Variants in NGF observed in about 807,000 individuals in gnomAD.
NGF encodes beta-nerve growth factor.
NGF carries 4 observed loss-of-function variants against 12.8 expected under a neutral mutation model. The observed-to-expected ratio is 0.31, with a 90% CI of 0.15 to 0.72. The LOEUF is 0.72. Ranked by LOEUF, NGF falls within the 30% of genes least tolerant of loss-of-function variation. The pLI is 0.69. For missense variants in NGF, 283 were observed against 330.8 expected, an observed-to-expected ratio of 0.86 and a Z score of 1.12; for synonymous variants, 140 against 130.0, an observed-to-expected ratio of 1.08 and a Z score of -0.52.
intron 1 of NGF, among the ~76,000 whole-genome samples, chr1:115,308,693 TAAAA>T (rs1654264941): frequency 7.5e-6 from 1 of 134,138 alleles, no homozygotes. Context: ...CAGAAAAAAA[TAAAA>T]AGAGAGAAAA....
chr1:115,322,593 T>A (rs1232162706), intron 1 of NGF, among the ~76,000 whole-genome samples: 5 of 152,160 alleles, frequency 3.3e-5, no homozygotes, highest in Non-Finnish European at 2.9e-5. Flanking sequence ...TTGACCAGCG[T>A]AAAGAGATGA....
intron 1 of NGF, among the ~76,000 whole-genome samples, chr1:115,332,604 G>GC (rs994115994): frequency 1.3e-5 from 2 of 152,096 alleles, no homozygotes; most frequent in African/African-American, 4.8e-5. Flanking sequence ...GTTCGTTGGT[G>GC]CCCCCCTCAT....
intron 1 of NGF, among the ~76,000 whole-genome samples, chr1:115,304,789 T>A (rs368186136): frequency 6.6e-6 from 1 of 152,182 alleles, no homozygotes; most frequent in Non-Finnish European, 1.5e-5. Context: ...TGAGCATAGC[T>A]GTCTCCTGGC....
chr1:115,320,384 T>C (rs1654586642), intron 1 of NGF, among the ~76,000 whole-genome samples: 2 of 152,206 alleles, frequency 1.3e-5, no homozygotes, highest in African/African-American at 4.8e-5. Flanking sequence ...CCAGCATCCC[T>C]ACTCTTGTGC....
intron 1 of NGF, among the ~76,000 whole-genome samples, chr1:115,306,501 C>G (rs888828044): frequency 1.3e-5 from 2 of 152,280 alleles, no homozygotes; most frequent in South Asian, 4.1e-4. Context: ...TCATTTTTAG[C>G]AGGTGAAATG....
Position 115,286,433 on chromosome 1 carries a change from C to T in NGF, c.363G>A (p.Arg121=), listed in dbSNP as rs759547617. 1.2e-6 allele frequency: 2 copies of T among 1,613,778 alleles called. No individual in the cohort carries two copies. Among genetic ancestry groups the T allele is most frequent in the South Asian group, 2.2e-5 (2 of 91,040 alleles). Residue 121 remains arginine (R), a synonymous_variant, in exon 3 of 3, where the codon CGG becomes CGA. Transcript: ENST00000369512. The part of the protein sequence containing the change: ...APFNRTHRSK[R]SSSHPIFHRG... ...TGTGGAAGATGGGATGGGATGATGA[C>T]CGCTTGCTCCTGTGAGTCCTGTTGA...
rs564486080 is a variant in NGF at position 115,294,806 on chromosome 1, C to T, written c.-136-1056G>A. 7.6e-4 allele frequency among the ~76,000 whole-genome samples: 116 copies of T among 152,198 alleles called. 1 individual carries two copies. The highest frequency in any genetic ancestry group is 2.6e-3 in the African/African-American group (108 of 41,520). ...GACAAAGGTTCTGAGCATGAAGTAA[C>T]GAGACCTAGAAAATGAGCTGGAGAG... is the stretch of plus-strand genomic sequence containing the variant. On this transcript the variant is annotated intron_variant, in intron 1 of 2. Coordinates refer to ENST00000369512, the MANE Select transcript of NGF (RefSeq NM_002506.3).
At chr1:115,293,042 G>C (rs997406057) in intron 2 of NGF, among the ~76,000 whole-genome samples, 1 of 152,046 alleles carries the variant, frequency 6.6e-6, no homozygotes, top group African/African-American at 2.4e-5. Context: ...TGAGATAATA[G>C]TAATTATTAT....
At chr1:115,311,510 TA>T (rs2101040861) in intron 1 of NGF, among the ~76,000 whole-genome samples, 1 of 151,774 alleles carries the variant, frequency 6.6e-6, no homozygotes, top group East Asian at 1.9e-4. Context: ...GGTAAGGGGG[TA>T]GGAGGGGTGC....
chr1:115,294,917 C>T (rs1339019190), intron 1 of NGF, among the ~76,000 whole-genome samples: 1 of 152,156 alleles, frequency 6.6e-6, no homozygotes, highest in Non-Finnish European at 1.5e-5. Flanking sequence ...GGGCTTTGAA[C>T]AAGAGGGTGA....
intron 1 of NGF, among the ~76,000 whole-genome samples, chr1:115,320,812 T>C (rs1469135651): frequency 6.6e-6 from 1 of 151,952 alleles, no homozygotes; most frequent in African/African-American, 2.4e-5. Context: ...CAGAAGGAGG[T>C]GGAAGCCCTA....
intron 1 of NGF, among the ~76,000 whole-genome samples, chr1:115,294,220 G>T (rs1030204157): frequency 6.6e-6 from 1 of 152,214 alleles, no homozygotes; most frequent in African/African-American, 2.4e-5. Flanking sequence ...GATGAGTAAT[G>T]GTGACAAATA....
chr1:115,290,271 C>T (rs1653645895), intron 2 of NGF, among the ~76,000 whole-genome samples: 1 of 152,032 alleles, frequency 6.6e-6, no homozygotes, highest in African/African-American at 2.4e-5. Context: ...CCTCTCAGGG[C>T]CTTTTCTGCT....
rs972078275 is a variant in NGF at position 115,290,427 on chromosome 1, G to A, written c.-13+3200C>T. Among the ~76,000 whole-genome samples, 8 of 113,520 alleles carry A rather than the reference G, an allele frequency of 7.0e-5. No homozygotes were observed. The East Asian group carries it at 8.4e-4, about 12-fold the overall frequency. 74.5% of individuals were successfully genotyped at this position (113,520 alleles called of 152,430 possible). On this transcript the variant is annotated intron_variant, in intron 2 of 2. Coordinates refer to ENST00000369512, the MANE Select transcript of NGF (RefSeq NM_002506.3). ...TTTTTTTTTTTTGAGATGGAGTCTC[G>A]CTCTGTCACCCAGGCTGAAGTGCAG...
chr1:115,327,548 G>C (rs1157054455), intron 1 of NGF, among the ~76,000 whole-genome samples: 3 of 152,208 alleles, frequency 2.0e-5, no homozygotes, highest in Admixed American at 6.5e-5. Context: ...TTGAACACAG[G>C]TGAAAGGAAA....
intron 2 of NGF, among the ~76,000 whole-genome samples, chr1:115,290,636 G>A (rs1011789014): frequency 3.3e-5 from 5 of 151,944 alleles, no homozygotes; most frequent in South Asian, 2.1e-4. Flanking sequence ...CTCGTGATCC[G>A]CCCCCTCGGC....
chr1:115,288,712 G>A (rs1400311866), intron 2 of NGF, among the ~76,000 whole-genome samples: 1 of 152,152 alleles, frequency 6.6e-6, no homozygotes, highest in Non-Finnish European at 1.5e-5. Flanking sequence ...GGCTTTGCAA[G>A]CTGCACAATT....
intron 2 of NGF, among the ~76,000 whole-genome samples, chr1:115,289,789 C>CT (rs1653626174): frequency 6.6e-6 from 1 of 152,304 alleles, no homozygotes; most frequent in South Asian, 2.1e-4. Context: ...TTTTCTGTTA[C>CT]TGGAACCATC....
chr1:115,313,163 C>T (rs1378881819), intron 1 of NGF, among the ~76,000 whole-genome samples: 2 of 152,198 alleles, frequency 1.3e-5, no homozygotes, highest in Non-Finnish European at 2.9e-5. Flanking sequence ...GAAGGAAAGA[C>T]CTGAATACTT....
Sources: gnomAD v4.1 joint callset for allele counts (sites outside exome capture counted in the v4.1 genomes callset) on GRCh38, gnomAD v4.1.1 for gene constraint, MANE v1.5 for transcripts, NCBI Gene and HGNC (gene_info 2026-07-23, HGNC 2026-07-21) for gene names.